Variants in OR9Q1 observed in about 807,000 individuals in gnomAD.
OR9Q1 encodes olfactory receptor family 9 subfamily Q member 1.
For missense variants in OR9Q1, 374 were observed against 378.8 expected, an observed-to-expected ratio of 0.99 and a Z score of 0.11; for synonymous variants, 153 against 148.6, an observed-to-expected ratio of 1.03 and a Z score of -0.22.
At chr11:58,156,740 CTCTT>C (rs1854411935) in intron 2 of OR9Q1, among the ~76,000 whole-genome samples, 1 of 152,162 alleles carries the variant, frequency 6.6e-6, no homozygotes, top group South Asian at 2.1e-4. Flanking sequence ...TCTATACTCT[CTCTT>C]TCTGCTCTCT....
At chr11:58,146,026 A>G (rs1854296136) in intron 2 of OR9Q1, among the ~76,000 whole-genome samples, 1 of 152,240 alleles carries the variant, frequency 6.6e-6, no homozygotes, top group African/African-American at 2.4e-5. Context: ...CTGCTTCCCA[A>G]GATGGCATAG....
At chr11:58,035,145 C>A (rs1172821703) in intron 1 of OR9Q1, among the ~76,000 whole-genome samples, 2 of 152,060 alleles carry the variant, frequency 1.3e-5, no homozygotes, top group Non-Finnish European at 2.9e-5. Flanking sequence ...TAGCAGTCAT[C>A]ACTTCCTCTC....
intron 2 of OR9Q1, among the ~76,000 whole-genome samples, chr11:58,099,306 CATAATATA>C (rs1034386931): frequency 1.4e-5 from 2 of 147,438 alleles, no homozygotes; most frequent in African/African-American, 4.9e-5. Flanking sequence ...AAATATATAA[CATAATATA>C]ATATATAAAA....
At chr11:58,064,301 G>A (rs1853408279) in intron 2 of OR9Q1, among the ~76,000 whole-genome samples, 1 of 152,198 alleles carries the variant, frequency 6.6e-6, no homozygotes, top group South Asian at 2.1e-4. Flanking sequence ...TCCAATACTC[G>A]TCTCCCGTTT....
intron 1 of OR9Q1, among the ~76,000 whole-genome samples, chr11:58,037,974 G>A (rs1333632772): frequency 6.8e-6 from 1 of 146,076 alleles, no homozygotes; most frequent in Non-Finnish European, 1.5e-5. Flanking sequence ...CTCATGATCC[G>A]CCTGCCTCGG....
At chr11:58,094,378 C>T (rs551167483) in intron 2 of OR9Q1, among the ~76,000 whole-genome samples, 15 of 152,276 alleles carry the variant, frequency 9.9e-5, no homozygotes, top group African/African-American at 2.9e-4. Flanking sequence ...GCCCCAATTT[C>T]ACTGCTACAC....
At chr11:58,079,864 C>T (rs1199225530) in intron 2 of OR9Q1, among the ~76,000 whole-genome samples, 3 of 152,166 alleles carry the variant, frequency 2.0e-5, no homozygotes, top group Non-Finnish European at 4.4e-5. Flanking sequence ...CCAAGTCCCA[C>T]TCAGACCAGA....
chr11:58,033,744 T>C (rs1853066887), intron 1 of OR9Q1, among the ~76,000 whole-genome samples: 2 of 152,066 alleles, frequency 1.3e-5, no homozygotes, highest in East Asian at 3.9e-4. Flanking sequence ...ATGTACCCCC[T>C]GAATCTAAAA....
Position 58,048,367 on chromosome 11 carries a change from T to G in OR9Q1, c.-92-7503T>G, listed in dbSNP as rs552456340. Among the ~76,000 whole-genome samples, 8 of 152,206 alleles carry G rather than the reference T, an allele frequency of 5.3e-5. No individual in the cohort carries two copies. The South Asian group carries it at 1.7e-3, about 32-fold the overall frequency. On this transcript the variant is annotated intron_variant, in intron 1 of 2. Coordinates refer to ENST00000335397, the MANE Select transcript of OR9Q1 (RefSeq NM_001005212.4). ...CACTGTATCTCATGAATATGAATGA[T>G]TATTTCAATATATCAATTAGGCTGG...
chr11:58,079,205 A>G (rs929891406), intron 2 of OR9Q1, among the ~76,000 whole-genome samples: 1 of 151,898 alleles, frequency 6.6e-6, no homozygotes. Context: ...GCTTTGGTGT[A>G]CCACCGCAAC....
chr11:58,060,172 C>G (rs1853366841), intron 2 of OR9Q1: 1 of 152,234 alleles, frequency 6.6e-6, no homozygotes, highest in Non-Finnish European at 1.5e-5. Flanking sequence ...CCGACTGTGG[C>G]TGTCCTTCAG....
At chr11:58,158,129 G>A (rs1349482) in intron 2 of OR9Q1, among the ~76,000 whole-genome samples, 47,060 of 152,014 alleles carry the variant, frequency 0.31, 7,646 homozygotes, top group East Asian at 0.59. Context: ...TCATGTCTCT[G>A]GGGTATCAGG....
chr11:58,154,990 A>G (rs183244582), intron 2 of OR9Q1, among the ~76,000 whole-genome samples: 2 of 152,308 alleles, frequency 1.3e-5, no homozygotes, highest in African/African-American at 4.8e-5. Flanking sequence ...ATATGTTTTT[A>G]TCTATATACA....
intron 2 of OR9Q1, among the ~76,000 whole-genome samples, chr11:58,131,711 C>T (rs1399304544): frequency 6.6e-6 from 1 of 151,988 alleles, no homozygotes; most frequent in Non-Finnish European, 1.5e-5. Flanking sequence ...CCTGTGGTCA[C>T]CTAGACTTTC....
intron 2 of OR9Q1, among the ~76,000 whole-genome samples, chr11:58,161,932 G>T (rs193028291): frequency 7.2e-5 from 11 of 152,256 alleles, no homozygotes; most frequent in African/African-American, 1.7e-4. Context: ...CAAGCTCAAG[G>T]TTCCTCAAAA....
rs541479494 is a variant in OR9Q1, at chr11:58,113,117, G to C, written c.-15+57170G>C. Among the ~76,000 whole-genome samples the C allele has an allele frequency of 6.6e-5, 10 of 152,266 alleles. No individual in the cohort carries two copies. The South Asian group carries it at 2.1e-3, about 32-fold the overall frequency. On this transcript the variant is annotated intron_variant, in intron 2 of 2. Transcript: ENST00000335397. ...TGTGAAGGGAAGGCTCAGCAGGTGG[G>C]TGCTGCCATTTCAGCCTCAGAATTC... is the stretch of plus-strand genomic sequence containing the variant.
At chr11:58,037,690 T>TATATATATA (rs1232679301) in intron 1 of OR9Q1, among the ~76,000 whole-genome samples, 1 of 9,354 alleles carries the variant, frequency 1.1e-4, no homozygotes, top group African/African-American at 5.6e-4. Context: ...TATATATATA[T>TATATATATA]TTTTTTTTTT....
chr11:58,037,292 A>C (rs1853109288), intron 1 of OR9Q1, among the ~76,000 whole-genome samples: 1 of 152,196 alleles, frequency 6.6e-6, no homozygotes, highest in African/African-American at 2.4e-5. Flanking sequence ...ACTACACTAT[A>C]GTGTAAACAT....
At chr11:58,028,859 C>A (rs1264950149) in intron 1 of OR9Q1, among the ~76,000 whole-genome samples, 2 of 152,204 alleles carry the variant, frequency 1.3e-5, no homozygotes, top group African/African-American at 4.8e-5. Flanking sequence ...TACATGCTTT[C>A]ATTGCCAGGA....
Sources: allele counts gnomAD v4.1 joint callset (sites outside exome capture counted in the v4.1 genomes callset), GRCh38; gene constraint gnomAD v4.1.1; transcripts MANE v1.5; gene names NCBI Gene and HGNC (gene_info 2026-07-23, HGNC 2026-07-21).